PDE1C: variants seen among roughly 807,000 people sequenced by gnomAD.
PDE1C encodes the protein phosphodiesterase 1C.
A neutral mutation model predicts 93.1 loss-of-function variants in PDE1C; 62 were observed. The observed-to-expected ratio is 0.67, with a 90% confidence interval of 0.54 to 0.82. The LOEUF (loss-of-function observed/expected upper bound fraction) is 0.82, where lower values mean the gene tolerates loss of function less well. PDE1C is among the 40% of genes least tolerant of loss of function. The pLI is 0.00. For missense variants in PDE1C, 742 were observed against 884.6 expected (o/e 0.84, Z 2.04); for synonymous variants, 325 against 310.1 (o/e 1.05, Z -0.50).
At chr7:32,270,014 A>C (rs1178438488) in intron 1 of PDE1C, among the ~76,000 whole-genome samples, 1 of 151,880 alleles carries the variant, frequency 6.6e-6, no homozygotes, top group Non-Finnish European at 1.5e-5. Flanking sequence ...GGCCTCAAGC[A>C]ATTCTCCTAC....
intron 1 of PDE1C, among the ~76,000 whole-genome samples, chr7:32,344,424 A>G (rs1783813461): frequency 6.6e-6 from 1 of 152,180 alleles, no homozygotes; most frequent in African/African-American, 2.4e-5. Context: ...TTTACGGGGT[A>G]CATTATCTAG....
chr7:32,155,179 C>T (rs557051441), intron 3 of PDE1C, among the ~76,000 whole-genome samples: 5 of 152,152 alleles, frequency 3.3e-5, no homozygotes, highest in Non-Finnish European at 7.3e-5. Context: ...CCAGGGAGGC[C>T]GTGTGGCCCA....
chr7:32,161,768 G>A lies in PDE1C; in HGVS notation c.308+8017C>T, dbSNP rs73689045. ...GTGGAAGCTCCAGAAAGAGTGTCCCGCTCCTCCTCCCAACCCAACAGCACT... is the reference window on the plus strand; with the variant it reads ...GTGGAAGCTCCAGAAAGAGTGTCCCACTCCTCCTCCCAACCCAACAGCACT... On this transcript the variant is annotated intron_variant, in intron 3 of 18. Coordinates refer to the PDE1C transcript ENST00000396193. Among the ~76,000 whole-genome samples, 355 of 152,124 alleles carry A rather than the reference G, an allele frequency of 2.3e-3. 1 individual carries two copies. The highest frequency in any genetic ancestry group is 8.0e-3 in the African/African-American group (330 of 41,504).
At chr7:32,427,960 G>C (rs996929319) in exon 1 of PDE1C, 1 of 152,344 alleles carries the variant, frequency 6.6e-6, no homozygotes, top group African/African-American at 2.4e-5. Flanking sequence ...CAGGCTACGG[G>C]AGGGGAGAGT....
intron 2 of PDE1C, among the ~76,000 whole-genome samples, chr7:32,021,119 G>A (rs1788609931): frequency 6.6e-6 from 1 of 152,060 alleles, no homozygotes; most frequent in Non-Finnish European, 1.5e-5. Context: ...CATAGAACTG[G>A]TTTGCCCCTC....
chr7:31,859,737 A>G (rs1203591102), intron 7 of PDE1C, among the ~76,000 whole-genome samples: 1 of 152,130 alleles, frequency 6.6e-6, no homozygotes, highest in East Asian at 1.9e-4. Flanking sequence ...TTTGGCCATT[A>G]CTTCAGGATG....
At chr7:31,632,285 A>G in the PDE1C span, among the ~76,000 whole-genome samples, 3 of 150,794 alleles carry the variant, frequency 2.0e-5, no homozygotes, top group African/African-American at 4.8e-5. Flanking sequence ...CATCTCTACT[A>G]AAAAAACAAT....
At position 32,090,867 on chromosome 7, in the gene PDE1C, T is replaced by G. The variant is rs1797432343; in HGVS notation, c.308+78918A>C. ...TGACGTGCAAGCCAGCACATATGTG[T>G]GCATGCGATGTGTGTGTTAACCTAG... is the stretch of plus-strand genomic sequence containing the variant. On this transcript the variant is annotated intron_variant, in intron 3 of 18. Coordinates refer to the PDE1C transcript ENST00000396193. 2.0e-5 allele frequency among the ~76,000 whole-genome samples: 3 copies of G among 152,346 alleles called. No individual in the cohort carries two copies. In the South Asian group the frequency reaches 6.2e-4, roughly 32 times the overall value.
the PDE1C span, among the ~76,000 whole-genome samples, chr7:31,738,008 G>T: frequency 6.6e-6 from 1 of 152,048 alleles, no homozygotes; most frequent in South Asian, 2.1e-4. Context: ...CCTTTGGGCT[G>T]GAGTTCCTTT....
upstream of PDE1C, among the ~76,000 whole-genome samples, chr7:32,071,792 TG>T (rs1219992225): frequency 1.3e-5 from 2 of 152,040 alleles, no homozygotes. Flanking sequence ...AACCAAAGAC[TG>T]GGGGAATCCA....
upstream of PDE1C, chr7:32,070,452 C>G (rs968565504): frequency 4.4e-6 from 7 of 1,595,544 alleles, no homozygotes; most frequent in Non-Finnish European, 6.0e-6. Context: ...GTCCCCTCCC[C>G]GTCTCCTCGC....
At chr7:31,756,997 A>G (rs1166520742) in intron 17 of PDE1C, among the ~76,000 whole-genome samples, 1 of 152,226 alleles carries the variant, frequency 6.6e-6, no homozygotes, top group Non-Finnish European at 1.5e-5. Flanking sequence ...CCAGCTCTGC[A>G]CATCTCTTCC....
chr7:32,161,771 C>T (rs1801939913), intron 3 of PDE1C, among the ~76,000 whole-genome samples: 1 of 152,044 alleles, frequency 6.6e-6, no homozygotes, highest in Non-Finnish European at 1.5e-5. Context: ...GTGTCCCGCT[C>T]CTCCTCCCAA....
chr7:31,920,769 C>A (rs1425138588), intron 2 of PDE1C, among the ~76,000 whole-genome samples: 1 of 152,256 alleles, frequency 6.6e-6, no homozygotes, highest in East Asian at 1.9e-4. Flanking sequence ...TTGAGCCCAA[C>A]GTGAGGAAAA....
At chr7:31,629,650 A>T in the PDE1C span, among the ~76,000 whole-genome samples, 506 of 152,298 alleles carry the variant, frequency 3.3e-3, no homozygotes, top group Non-Finnish European at 4.9e-3. Flanking sequence ...GTCCATAGAG[A>T]ATGTTTTCCT....
rs1319937704 is a variant in PDE1C at position 32,082,483 on chromosome 7, C to T, written c.308+87302G>A. Among the ~76,000 whole-genome samples, 3 of 152,354 alleles carry T rather than the reference C, an allele frequency of 2.0e-5. No individual in the cohort carries two copies. In the East Asian group the frequency reaches 5.8e-4, roughly 29 times the overall value. ...CAGTAAACTCTGCAGACTTAAATGT[C>T]CCTGTCTGACAGCTTTGAAGAGAGC... On this transcript the variant is annotated intron_variant, in intron 3 of 18. Transcript: ENST00000396193.
chr7:32,012,098 T>C (rs1477948644), intron 2 of PDE1C, among the ~76,000 whole-genome samples: 1 of 152,202 alleles, frequency 6.6e-6, no homozygotes, highest in Admixed American at 6.5e-5. Flanking sequence ...TATATGAATG[T>C]TAATTTCACA....
At position 31,877,253 on chromosome 7, in the gene PDE1C, C is replaced by G. The variant is rs6951951; in HGVS notation, c.492+717G>C. Among the ~76,000 whole-genome samples the G allele has an allele frequency of 5.8e-3, 890 of 152,250 alleles. 8 individuals are homozygous for G. Among genetic ancestry groups the G allele is most frequent in the African/African-American group, 0.02 (840 of 41,530 alleles). On this transcript the variant is annotated intron_variant, in intron 5 of 17. Coordinates refer to ENST00000396191, the MANE Select transcript of PDE1C (RefSeq NM_001191057.4). ...AATCTCAAATACCCTCAGACCAATG[C>G]CTTCAGGAATGCATCTGCTTTGGGG... is the stretch of plus-strand genomic sequence containing the variant.
the PDE1C span, among the ~76,000 whole-genome samples, chr7:31,699,372 G>A: frequency 5.3e-5 from 8 of 152,292 alleles, no homozygotes; most frequent in South Asian, 4.1e-4. Context: ...ACGGTCTCCC[G>A]TGAAAGGGCC....
Sources: gnomAD v4.1 joint callset for allele counts (sites outside exome capture counted in the v4.1 genomes callset) on GRCh38, gnomAD v4.1.1 for gene constraint, MANE v1.5 for transcripts, NCBI Gene and HGNC (gene_info 2026-07-23, HGNC 2026-07-21) for gene names.